Variants in KCNH5 observed in about 807,000 individuals in gnomAD.
KCNH5 encodes potassium voltage-gated channel subfamily H member 5.
A neutral mutation model predicts 96.1 loss-of-function variants in KCNH5; 46 were observed. The ratio of observed to expected loss-of-function variants is 0.48; its 90% CI spans 0.38 to 0.61. The LOEUF (loss-of-function observed/expected upper bound fraction) is 0.61, where lower values mean the gene tolerates loss of function less well. Among genes scored for constraint, KCNH5 ranks in the 20% least tolerant of loss-of-function variants. KCNH5 has a pLI of 0.00. For missense variants in KCNH5, 907 were observed against 1,225.8 expected, an observed-to-expected ratio of 0.74 and a Z score of 3.88; for synonymous variants, 439 against 449.8, an observed-to-expected ratio of 0.98 and a Z score of 0.30.
intron 1 of KCNH5, among the ~76,000 whole-genome samples, chr14:63,023,476 T>C (rs1594680139): frequency 6.6e-6 from 1 of 152,336 alleles, no homozygotes; most frequent in East Asian, 1.9e-4. Flanking sequence ...TGTCTTTTCA[T>C]ATAAATCACA....
At chr14:62,848,615 C>T (rs566570745) in intron 8 of KCNH5, among the ~76,000 whole-genome samples, 30 of 152,302 alleles carry the variant, frequency 2.0e-4, no homozygotes, top group African/African-American at 7.2e-4. Context: ...ACAACACCTG[C>T]CCTGGCTTAA....
intron 10 of KCNH5, among the ~76,000 whole-genome samples, chr14:62,712,879 C>A (rs891856604): frequency 2.6e-5 from 4 of 152,154 alleles, no homozygotes; most frequent in Non-Finnish European, 5.9e-5. Flanking sequence ...AGCTTCTGGT[C>A]CCCTTCAAGG....
intron 8 of KCNH5, among the ~76,000 whole-genome samples, chr14:62,817,786 A>ATATTCCTATATATTCTAGGAATATATG (rs1566670434): frequency 7.8e-6 from 1 of 128,156 alleles, no homozygotes; most frequent in East Asian, 3.2e-4. Flanking sequence ...AGGAATATAT[A>ATATTCCTATATATTCTAGGAATATATG]TATATATTCT....
At chr14:62,934,294 T>TA (rs1170687611) in intron 7 of KCNH5, among the ~76,000 whole-genome samples, 8 of 152,136 alleles carry the variant, frequency 5.3e-5, no homozygotes, top group Non-Finnish European at 1.0e-4. Context: ...AAAACACACT[T>TA]ATATAGTTTT....
chr14:62,750,454 G>A (rs755114716), intron 10 of KCNH5, among the ~76,000 whole-genome samples: 1 of 152,184 alleles, frequency 6.6e-6, no homozygotes, highest in Non-Finnish European at 1.5e-5. Context: ...TCTAGGGTCT[G>A]TCATTGCCGT....
intron 9 of KCNH5, among the ~76,000 whole-genome samples, chr14:62,789,702 T>C (rs1586649): frequency 0.45 from 67,904 of 151,762 alleles, 15,690 homozygotes; most frequent in South Asian, 0.7. Context: ...CCTTTTCATA[T>C]ACCTGATGGT....
At chr14:62,899,848 AAT>A (rs1237097936) in intron 7 of KCNH5, among the ~76,000 whole-genome samples, 1 of 134,956 alleles carries the variant, frequency 7.4e-6, no homozygotes, top group Admixed American at 7.2e-5. Flanking sequence ...AAAAAAAAAA[AAT>A]TGAATTAAAA....
intron 7 of KCNH5, among the ~76,000 whole-genome samples, chr14:62,908,462 C>A (rs1282216159): frequency 6.6e-6 from 1 of 152,164 alleles, no homozygotes; most frequent in Non-Finnish European, 1.5e-5. Flanking sequence ...CTTCCCACCC[C>A]AAATTCCTAG....
intron 1 of KCNH5, among the ~76,000 whole-genome samples, chr14:63,034,850 C>A (rs1488440596): frequency 1.3e-5 from 2 of 152,104 alleles, no homozygotes; most frequent in East Asian, 3.8e-4. Context: ...AAAAAGATTT[C>A]TCCACAAAAT....
chr14:62,821,102 T>C (rs1010177419), intron 8 of KCNH5, among the ~76,000 whole-genome samples: 4 of 151,552 alleles, frequency 2.6e-5, no homozygotes, highest in African/African-American at 9.7e-5. Flanking sequence ...GATGGTATCT[T>C]GTTAAATTTG....
intron 8 of KCNH5, among the ~76,000 whole-genome samples, chr14:62,825,887 T>C (rs2860089): frequency 0.11 from 16,614 of 152,114 alleles, 1,140 homozygotes; most frequent in East Asian, 0.3. Flanking sequence ...TGAGAGAACA[T>C]GCTTTCATTT....
At chr14:62,855,385 C>G (rs1320605739) in intron 7 of KCNH5, among the ~76,000 whole-genome samples, 1 of 152,174 alleles carries the variant, frequency 6.6e-6, no homozygotes, top group East Asian at 1.9e-4. Context: ...TTGAGAACAT[C>G]AGCCTACCAG....
chr14:62,987,076 G>A lies in KCNH5; in HGVS notation c.545C>T (p.Ala182Val). 4 of 1,607,828 alleles carry A rather than the reference G, an allele frequency of 2.5e-6. No individual in the cohort carries two copies. Among genetic ancestry groups the A allele is most frequent in the Non-Finnish European group, 3.4e-6 (4 of 1,174,472 alleles). The change falls in exon 5 of 11, where the codon GCT becomes GTT. Residue 182 changes from alanine (A) to valine (V), a missense_variant. Ala to Val is a moderately conservative substitution (Grantham distance 64, BLOSUM62 0). Transcript: ENST00000322893. Reference sequence around the variant, plus strand: ...CAAAATTCATCTCATACTTACTTCAGCTAGTCTTGAATGTTTATGGACCAC... The same window carrying A: ...CAAAATTCATCTCATACTTACTTCAACTAGTCTTGAATGTTTATGGACCAC... ...TEVVHKHSRL[A>V]EVLQLGSDIL...
At chr14:62,730,643 C>T (rs1017889016) in intron 10 of KCNH5, among the ~76,000 whole-genome samples, 3 of 152,210 alleles carry the variant, frequency 2.0e-5, no homozygotes, top group African/African-American at 7.2e-5. Context: ...CTTTCCTCAT[C>T]TATCAAGAAC....
At chr14:63,024,479 A>G (rs1335332338) in intron 1 of KCNH5, among the ~76,000 whole-genome samples, 3 of 152,034 alleles carry the variant, frequency 2.0e-5, no homozygotes, top group African/African-American at 7.2e-5. Flanking sequence ...CAACTTTAAA[A>G]GGTCAGTGAA....
At chr14:62,974,662 T>C (rs1246849723) in intron 6 of KCNH5, among the ~76,000 whole-genome samples, 5 of 152,224 alleles carry the variant, frequency 3.3e-5, no homozygotes, top group Non-Finnish European at 7.3e-5. Flanking sequence ...TTCTAAGTCA[T>C]TCTGCACTTA....
At chr14:62,928,854 C>T (rs180776890) in intron 7 of KCNH5, among the ~76,000 whole-genome samples, 137 of 152,116 alleles carry the variant, frequency 9.0e-4, no homozygotes, top group Non-Finnish European at 1.3e-3. Flanking sequence ...TATTGCAATG[C>T]GCCAGAGTTT....
At chr14:62,927,225 T>C (rs574934106) in intron 7 of KCNH5, among the ~76,000 whole-genome samples, 1 of 152,094 alleles carries the variant, frequency 6.6e-6, no homozygotes, top group South Asian at 2.1e-4. Flanking sequence ...GATGGCTACT[T>C]GCAGAAAATA....
Position 62,706,982 on chromosome 14 carries a change from G to C in KCNH5, c.*526C>G, listed in dbSNP as rs907331979. ...AGGCAACTAAACAGTCATTTAAATG[G>C]AGCAAACACTGCCTGTAGGGGAAAA... is the stretch of plus-strand genomic sequence containing the variant. On this transcript the variant is annotated 3_prime_UTR_variant, in exon 11 of 11. Transcript: ENST00000322893. 32 of 152,152 alleles carry C rather than the reference G, an allele frequency of 2.1e-4. No individual in the cohort carries two copies. The highest frequency in any genetic ancestry group is 7.0e-4 in the African/African-American group (29 of 41,420). The allele number at this position is 152,152 out of a possible 1,614,324, so 9.4% of individuals were successfully genotyped here.
Sources: gnomAD v4.1 joint callset for allele counts (sites outside exome capture counted in the v4.1 genomes callset) on GRCh38, gnomAD v4.1.1 for gene constraint, MANE v1.5 for transcripts, NCBI Gene and HGNC (gene_info 2026-07-23, HGNC 2026-07-21) for gene names.